Variants in ME3 observed in about 807,000 individuals in gnomAD.
ME3 encodes the protein malic enzyme 3, also known as NADP-dependent malic enzyme, mitochondrial.
In ME3, 48 loss-of-function variants were observed where a neutral mutation model predicts 68.9. The ratio of observed to expected loss-of-function variants is 0.70; its 90% CI spans 0.55 to 0.89. The LOEUF (loss-of-function observed/expected upper bound fraction) is 0.89. Ranked by LOEUF, ME3 falls within the 40% of genes least tolerant of loss-of-function variation. The pLI is 0.00. For synonymous variants in ME3, 320 were observed against 318.8 expected, an observed-to-expected ratio of 1.00 and a Z score of -0.04; for missense variants, 675 against 797.4, an observed-to-expected ratio of 0.85 and a Z score of 1.85.
At chr11:86,497,922 A>C (rs1222391065) in intron 6 of ME3, 41 bp downstream of exon 6, 2 of 1,539,370 alleles carry the variant, frequency 1.3e-6, no homozygotes, top group Admixed American at 1.9e-5. Flanking sequence ...CCCAGTTGCC[A>C]CCTTTTGGCC....
At chr11:86,479,919 A>G (rs1951300763) in intron 7 of ME3, among the ~76,000 whole-genome samples, 1 of 151,858 alleles carries the variant, frequency 6.6e-6, no homozygotes, top group Non-Finnish European at 1.5e-5. Context: ...GGTTCAAGCA[A>G]TTCTCATGCC....
At chr11:86,670,761 A>G (rs1946877766) in intron 2 of ME3, among the ~76,000 whole-genome samples, 1 of 152,052 alleles carries the variant, frequency 6.6e-6, no homozygotes, top group African/African-American at 2.4e-5. Flanking sequence ...AGCAATTATG[A>G]AAAAAAAATT....
chr11:86,654,486 T>C (rs1426190490), intron 2 of ME3, among the ~76,000 whole-genome samples: 1 of 152,142 alleles, frequency 6.6e-6, no homozygotes, highest in Non-Finnish European at 1.5e-5. Context: ...ACAGAACCAG[T>C]GACAAAAACC....
chr11:86,555,438 T>C (rs1956879321), intron 4 of ME3, among the ~76,000 whole-genome samples: 1 of 152,208 alleles, frequency 6.6e-6, no homozygotes, highest in South Asian at 2.1e-4. Flanking sequence ...GTCTCCTTCC[T>C]GTTGCAAGAA....
intron 2 of ME3, among the ~76,000 whole-genome samples, chr11:86,585,962 A>T (rs1201518616): frequency 1.3e-5 from 2 of 152,228 alleles, no homozygotes; most frequent in Non-Finnish European, 2.9e-5. Flanking sequence ...AGGTCAAATC[A>T]TTAGGATGAC....
chr11:86,645,337 G>T (rs182990332), intron 2 of ME3, among the ~76,000 whole-genome samples: 503 of 152,348 alleles, frequency 3.3e-3, no homozygotes, highest in Non-Finnish European at 6.1e-3. Context: ...TGCCAGCACA[G>T]CAGTCTGAAG....
chr11:86,471,378 C>T (rs1950776858), intron 7 of ME3, among the ~76,000 whole-genome samples: 1 of 152,016 alleles, frequency 6.6e-6, no homozygotes, highest in Admixed American at 6.5e-5. Context: ...TCATGATCCA[C>T]CCACCTTGGC....
exon 2 of ME3, chr11:86,671,791 C>G: frequency 1.2e-6 from 2 of 1,603,666 alleles, no homozygotes; most frequent in Non-Finnish European, 1.7e-6. Context: ...CTGGTGACAT[C>G]GTATCCGCGC....
In ME3 at chr11:86,582,833, C is replaced by T. The variant is rs114428863; in HGVS notation, c.184-23010G>A. On this transcript the variant is annotated intron_variant, in intron 2 of 14. Coordinates refer to ENST00000543262, the Ensembl canonical transcript of ME3. ...AACTAGAGAAAATCAGTTGCCTCAC[C>T]TGCACACAACACAGAGGCCCAGTTG... 6.5e-3 allele frequency among the ~76,000 whole-genome samples: 978 copies of T among 151,444 alleles called. 14 individuals carry two copies. The highest frequency in any genetic ancestry group is 0.022 in the African/African-American group (924 of 41,188).
At chr11:86,668,139 T>A (rs1454245711) in intron 2 of ME3, 1 of 152,180 alleles carries the variant, frequency 6.6e-6, no homozygotes, top group Admixed American at 6.5e-5. Flanking sequence ...ATTGCCATCA[T>A]TATTCAGTAG....
chr11:86,464,948 T>A (rs535526880), intron 8 of ME3, 143 bp downstream of exon 8: 1 of 626,310 alleles, frequency 1.6e-6, no homozygotes, highest in Admixed American at 2.7e-5. Context: ...GAGTTGAATC[T>A]AAGTTTAATA....
At chr11:86,631,894 G>A (rs141466036) in intron 2 of ME3, among the ~76,000 whole-genome samples, 89 of 152,038 alleles carry the variant, frequency 5.9e-4, no homozygotes, top group African/African-American at 2.1e-3. Context: ...CATCATGACC[G>A]GCTAATTTTT....
chr11:86,610,963 C>T (rs1942528532), intron 2 of ME3, among the ~76,000 whole-genome samples: 1 of 152,172 alleles, frequency 6.6e-6, no homozygotes, highest in South Asian at 2.1e-4. Flanking sequence ...GGGGTCTGGA[C>T]AGTCTCAAAC....
chr11:86,526,732 C>G (rs1954783035), intron 4 of ME3, among the ~76,000 whole-genome samples: 1 of 152,220 alleles, frequency 6.6e-6, no homozygotes, highest in Admixed American at 6.5e-5. Flanking sequence ...TCTGCAGCCT[C>G]TGCTGCTGAT....
chr11:86,452,042 A>G (rs1949658504), intron 8 of ME3, among the ~76,000 whole-genome samples: 1 of 152,162 alleles, frequency 6.6e-6, no homozygotes, highest in Non-Finnish European at 1.5e-5. Context: ...CAAGCAAGAC[A>G]TTGTGTTTTT....
intron 4 of ME3, among the ~76,000 whole-genome samples, chr11:86,523,739 T>TGA (rs1029029102): frequency 1.3e-5 from 2 of 152,084 alleles, no homozygotes; most frequent in Non-Finnish European, 2.9e-5. Flanking sequence ...GAAAAGCTGA[T>TGA]GAAGAAGGCC....
intron 7 of ME3, among the ~76,000 whole-genome samples, chr11:86,472,294 A>G (rs974347278): frequency 3.9e-5 from 6 of 152,194 alleles, no homozygotes; most frequent in African/African-American, 1.4e-4. Context: ...ATGCCCATGT[A>G]AACAGCCTAA....
intron 4 of ME3, among the ~76,000 whole-genome samples, chr11:86,514,403 C>T (rs995481002): frequency 2.6e-5 from 4 of 152,154 alleles, no homozygotes; most frequent in Non-Finnish European, 5.9e-5. Context: ...ATTTAGGTGC[C>T]TCAGGAGGTG....
intron 2 of ME3, among the ~76,000 whole-genome samples, chr11:86,601,893 A>G (rs1416294092): frequency 6.8e-6 from 1 of 146,478 alleles, no homozygotes; most frequent in Admixed American, 6.9e-5. Context: ...GCCTTTGACA[A>G]AATTCAACAA....
Sources: allele counts gnomAD v4.1 joint callset (sites outside exome capture counted in the v4.1 genomes callset), GRCh38; gene constraint gnomAD v4.1.1; transcripts MANE v1.5; gene names NCBI Gene and HGNC (gene_info 2026-07-23, HGNC 2026-07-21).